RCOR3: variants seen among roughly 807,000 people sequenced by gnomAD.
RCOR3 encodes REST corepressor 3.
RCOR3 carries 13 observed loss-of-function variants against 64.1 expected under a neutral mutation model. The observed-to-expected ratio is 0.20, with a 90% CI of 0.13 to 0.32. The LOEUF is 0.32. Ranked by LOEUF, RCOR3 falls within the 10% of genes least tolerant of loss-of-function variation. The pLI, the probability that RCOR3 is intolerant of heterozygous loss-of-function variation, is 1.00. For synonymous variants in RCOR3, 215 were observed against 239.0 expected, an observed-to-expected ratio of 0.90 and a Z score of 0.93; for missense variants, 489 against 701.2, an observed-to-expected ratio of 0.70 and a Z score of 3.42.
In RCOR3 at chr1:211,279,232, TCTC is replaced by T; in HGVS notation, c.642-5_642-3del. The T allele has an allele frequency of 6.3e-7, 1 of 1,586,816 alleles. No homozygotes were observed. Among genetic ancestry groups the T allele is most frequent in the Non-Finnish European group, 8.6e-7 (1 of 1,166,834 alleles). ...ATTAAGTGTACTAATTTTTGTTTCT[TCTC>T]AGTGATGATGATGTAGAAGAAACAC... On this transcript the variant is annotated splice_polypyrimidine_tract_variant and splice_region_variant and intron_variant, in intron 6 of 11. Transcript: ENST00000419091.
chr1:211,266,735 A>G (rs1695261380), intron 2 of RCOR3, among the ~76,000 whole-genome samples: 2 of 152,222 alleles, frequency 1.3e-5, no homozygotes, highest in Admixed American at 1.3e-4. Context: ...ACATGGGGTT[A>G]ATGTCTGTTC....
At chr1:211,278,351 TTACATTTA>T (rs1697307085) in intron 6 of RCOR3, 110 bp downstream of exon 6, 2 of 1,242,034 alleles carry the variant, frequency 1.6e-6, no homozygotes, top group Non-Finnish European at 2.3e-6. Flanking sequence ...TTCCTTATTC[TTACATTTA>T]TGTTTCTACT....
rs150145315 is a variant in RCOR3 at position 211,277,871 on chromosome 1, T to G, written c.517-246T>G. On this transcript the variant is annotated intron_variant, in intron 5 of 11. Coordinates refer to ENST00000419091, the MANE Select transcript of RCOR3 (RefSeq NM_001136223.3). ...GCTGCGCTGGGAACTTCTGGGGACA[T>G]TCTCACCAGATTAGTTTGTGACCTC... Among the ~76,000 whole-genome samples, 1,157 of 152,286 alleles carry G rather than the reference T, an allele frequency of 7.6e-3. 9 individuals are homozygous for G. The highest frequency in any genetic ancestry group is 0.027 in the Middle Eastern group (8 of 294).
At chr1:211,305,280 G>A (rs1038121829) in intron 10 of RCOR3, among the ~76,000 whole-genome samples, 1 of 152,120 alleles carries the variant, frequency 6.6e-6, no homozygotes, top group Non-Finnish European at 1.5e-5. Context: ...TATGACACAG[G>A]GTGCTGGATG....
intron 2 of RCOR3, among the ~76,000 whole-genome samples, chr1:211,265,138 C>T (rs762203375): frequency 6.6e-6 from 1 of 152,062 alleles, no homozygotes; most frequent in Non-Finnish European, 1.5e-5. Context: ...AAAAGATTCA[C>T]GTATTTTTAG....
chr1:211,293,086 A>AAAATAAATGAAT (rs146526195), intron 8 of RCOR3, among the ~76,000 whole-genome samples: 1 of 142,966 alleles, frequency 7.0e-6, no homozygotes, highest in African/African-American at 2.6e-5. Flanking sequence ...TCTGTCTCCA[A>AAAATAAATGAAT]AAATAAATAA....
At chr1:211,299,663 G>T (rs568469910) in intron 9 of RCOR3, among the ~76,000 whole-genome samples, 1 of 152,144 alleles carries the variant, frequency 6.6e-6, no homozygotes, top group Non-Finnish European at 1.5e-5. Flanking sequence ...TGAAAATGCC[G>T]AATTCACTAA....
At chr1:211,269,553 C>T (rs566334469) in intron 2 of RCOR3, among the ~76,000 whole-genome samples, 2 of 151,910 alleles carry the variant, frequency 1.3e-5, no homozygotes, top group South Asian at 2.1e-4. Flanking sequence ...GCTGAGGTCA[C>T]GCCATTGCAC....
At chr1:211,287,153 G>A (rs1698648245) in intron 7 of RCOR3, among the ~76,000 whole-genome samples, 1 of 152,104 alleles carries the variant, frequency 6.6e-6, no homozygotes, top group Non-Finnish European at 1.5e-5. Flanking sequence ...ACTGTGGTTG[G>A]GGCACTCTTG....
At chr1:211,280,729 A>T (rs534725800) in intron 7 of RCOR3, among the ~76,000 whole-genome samples, 108 of 152,312 alleles carry the variant, frequency 7.1e-4, no homozygotes, top group African/African-American at 2.5e-3. Context: ...CACGCCTGTA[A>T]TCCTGGCACT....
intron 3 of RCOR3, among the ~76,000 whole-genome samples, chr1:211,272,428 G>A (rs867986592): frequency 6.6e-6 from 1 of 152,098 alleles, no homozygotes; most frequent in Non-Finnish European, 1.5e-5. Flanking sequence ...ACAAAATTCA[G>A]CCAGAGTGTG....
chr1:211,275,021 G>A (rs1445197663), intron 4 of RCOR3, among the ~76,000 whole-genome samples: 1 of 150,914 alleles, frequency 6.6e-6, no homozygotes, highest in Non-Finnish European at 1.5e-5. Context: ...TGTTTATTAT[G>A]TAATACACTC....
chr1:211,303,854 C>T lies in RCOR3; in HGVS notation c.1018-229C>T, dbSNP rs1159825664. The T allele has an allele frequency of 1.4e-5, 5 of 357,490 alleles. No homozygotes were observed. The East Asian group carries it at 1.4e-4, about 10-fold the overall frequency. The allele number at this position is 357,490 out of a possible 1,614,324, so 22.1% of individuals were successfully genotyped here. ...GATATCTCTAATTAGAGCATAAATG[C>T]GAATGTTGTTCCTTCTTGCAAATTG... On this transcript the variant is annotated intron_variant, in intron 9 of 11. Coordinates refer to ENST00000419091, the MANE Select transcript of RCOR3 (RefSeq NM_001136223.3).
At chr1:211,298,206 T>A (rs1290822934) in intron 9 of RCOR3, among the ~76,000 whole-genome samples, 2 of 152,176 alleles carry the variant, frequency 1.3e-5, no homozygotes, top group Non-Finnish European at 2.9e-5. Flanking sequence ...GACAAACTGA[T>A]CAAAGTTGTA....
Position 211,313,222 on chromosome 1 carries a change from C to T in RCOR3, c.1318-202C>T. 1 of 1,429,100 alleles carries T rather than the reference C, an allele frequency of 7.0e-7. No individual in the cohort carries two copies. The highest frequency in any genetic ancestry group is 2.5e-5 in the East Asian group (1 of 39,794). The allele number at this position is 1,429,100 out of a possible 1,614,324, so 88.5% of individuals were successfully genotyped here. A position where few individuals can be genotyped will look rare whatever the true frequency, so the allele number is the denominator to read the frequency against. ...TTAAGCTGTTTACAAATAAAGATGC[C>T]TGTTTGGTAGCCTCATTGGTTTTTG... On this transcript the variant is annotated intron_variant, in intron 11 of 11. Coordinates refer to ENST00000419091, the MANE Select transcript of RCOR3 (RefSeq NM_001136223.3). This position sits in a 1 kb window ranked among gnomAD's most constrained non-coding sequence, Gnocchi z 4.7.
At chr1:211,295,551 G>C (rs1168042561) in intron 8 of RCOR3, 125 bp from the exon 9 acceptor site, 14 of 733,720 alleles carry the variant, frequency 1.9e-5, no homozygotes, top group Middle Eastern at 3.1e-4. Context: ...AGTGTGATTA[G>C]TATGACTATT....
chr1:211,291,916 T>G (rs1227891731), intron 8 of RCOR3, among the ~76,000 whole-genome samples: 1 of 152,144 alleles, frequency 6.6e-6, no homozygotes, highest in Admixed American at 6.5e-5. Context: ...GCCAGGAGTT[T>G]GACACCAGCC....
intron 2 of RCOR3, among the ~76,000 whole-genome samples, chr1:211,268,699 A>AT (rs1266151476): frequency 1.3e-5 from 2 of 151,840 alleles, no homozygotes; most frequent in Non-Finnish European, 2.9e-5. Flanking sequence ...TTGAATATAA[A>AT]TTTTTTCATA....
At chr1:211,279,362 C>G (rs1019130600) in intron 7 of RCOR3, 46 bp downstream of exon 7, 3 of 1,409,192 alleles carry the variant, frequency 2.1e-6, no homozygotes, top group Non-Finnish European at 3.0e-6. Flanking sequence ...TACAAATCTG[C>G]TGAAAAAGAA....
Sources: gnomAD v4.1 joint callset for allele counts (sites outside exome capture counted in the v4.1 genomes callset) on GRCh38, gnomAD v4.1.1 for gene constraint, Gnocchi (gnomAD v3.1) non-coding constraint, MANE v1.5 for transcripts, NCBI Gene and HGNC (gene_info 2026-07-23, HGNC 2026-07-21) for gene names.